The following MYT1L variants were observed in gnomAD, a reference collection of about 807,000 sequenced individuals.
MYT1L encodes myelin transcription factor 1 like, also known as myelin transcription factor 1-like protein.
A neutral mutation model predicts 126.7 loss-of-function variants in MYT1L; 12 were observed. The observed-to-expected ratio is 0.09, with a 90% confidence interval of 0.06 to 0.15. The LOEUF (loss-of-function observed/expected upper bound fraction) is 0.15. Among genes scored for constraint, MYT1L ranks in the 10% least tolerant of loss-of-function variants. MYT1L has a pLI of 1.00. For synonymous variants in MYT1L, 541 were observed against 604.2 expected (o/e 0.90, Z 1.53); for missense variants, 979 against 1,585.2 (o/e 0.62, Z 6.49).
chr2:1,962,776 T>C (rs540159994), intron 8 of MYT1L, among the ~76,000 whole-genome samples: 5 of 152,342 alleles, frequency 3.3e-5, no homozygotes, highest in African/African-American at 9.6e-5. Context: ...AACCACCTGC[T>C]TTGCTCAGCC....
chr2:2,156,967 C>T (rs917185519), intron 3 of MYT1L, among the ~76,000 whole-genome samples: 8 of 152,130 alleles, frequency 5.3e-5, no homozygotes, highest in Non-Finnish European at 8.8e-5. Flanking sequence ...TGTTTCCATC[C>T]GTTTGGGGGA....
chr2:2,236,817 T>TTCTTC (rs1559421627), intron 2 of MYT1L, among the ~76,000 whole-genome samples: 1 of 32,252 alleles, frequency 3.1e-5, no homozygotes, highest in African/African-American at 2.4e-4. Flanking sequence ...TCTTCTTCTT[T>TTCTTC]TTTTTTTTTT....
intron 19 of MYT1L, among the ~76,000 whole-genome samples, chr2:1,844,598 G>A (rs1387564554): frequency 4.6e-5 from 7 of 152,168 alleles, no homozygotes; most frequent in Non-Finnish European, 8.8e-5. Flanking sequence ...GACCTGGCCC[G>A]AGTGTCTGTG....
At chr2:2,296,105 C>T (rs762281960) in intron 1 of MYT1L, among the ~76,000 whole-genome samples, 2 of 152,132 alleles carry the variant, frequency 1.3e-5, no homozygotes. Context: ...TTCTATTTTT[C>T]AAGGAGGTGC....
chr2:1,911,938 G>A, intron 12 of MYT1L, 82 bp downstream of exon 12: 1 of 1,098,372 alleles, frequency 9.1e-7, no homozygotes, highest in Non-Finnish European at 1.3e-6. Context: ...ACCATATGGA[G>A]CGTGGTAGGC....
Position 2,063,876 on chromosome 2 carries a change from C to T in MYT1L, c.-303-9753G>A, listed in dbSNP as rs191827534. Among the ~76,000 whole-genome samples the T allele has an allele frequency of 8.2e-4, 125 of 152,128 alleles. 1 individual carries two copies. The highest frequency in any genetic ancestry group is 2.6e-4 in the Admixed American group (4 of 15,274). ...AACAAAACAAACAACATAAAAACCA[C>T]GTTTCCTTGATAATTCCTAACATAT... On this transcript the variant is annotated intron_variant, in intron 3 of 24. Transcript: ENST00000647738.
At chr2:1,974,567 AG>A (rs1422958992) in intron 8 of MYT1L, 2 of 152,132 alleles carry the variant, frequency 1.3e-5, no homozygotes, top group Non-Finnish European at 2.9e-5. Flanking sequence ...TTAGCTTCCT[AG>A]GAGGTCTGGC....
intron 4 of MYT1L, among the ~76,000 whole-genome samples, chr2:2,023,529 G>A (rs1259973000): frequency 6.6e-6 from 1 of 152,192 alleles, no homozygotes; most frequent in East Asian, 1.9e-4. Flanking sequence ...TCCAGTGGGT[G>A]TGGACGGGAA....
chr2:2,249,900 T>C (rs1305599502), intron 2 of MYT1L, among the ~76,000 whole-genome samples: 2 of 151,942 alleles, frequency 1.3e-5, no homozygotes, highest in Non-Finnish European at 2.9e-5. Flanking sequence ...CATACAAATA[T>C]CAAACAGGCA....
intron 8 of MYT1L, among the ~76,000 whole-genome samples, chr2:1,961,230 G>A (rs765154070): frequency 2.0e-5 from 3 of 152,172 alleles, no homozygotes; most frequent in Non-Finnish European, 4.4e-5. Flanking sequence ...CGCAGGTGAC[G>A]GTTACACTAA....
chr2:2,135,896 AACGTTCT>A (rs921367087), intron 3 of MYT1L, among the ~76,000 whole-genome samples: 5 of 152,164 alleles, frequency 3.3e-5, no homozygotes, highest in East Asian at 3.9e-4. Context: ...CTCTTAAGAA[AACGTTCT>A]ACTATAAAGA....
chr2:2,077,970 A>G (rs949403150), intron 3 of MYT1L, among the ~76,000 whole-genome samples: 46 of 152,232 alleles, frequency 3.0e-4, no homozygotes, highest in Non-Finnish European at 5.4e-4. Context: ...ACAGCGGCAG[A>G]AATCAATAAT....
chr2:1,915,749 A>G (rs1354300985), intron 11 of MYT1L, among the ~76,000 whole-genome samples: 2 of 152,196 alleles, frequency 1.3e-5, no homozygotes, highest in Non-Finnish European at 2.9e-5. Flanking sequence ...TTTACATCTT[A>G]GCCCGGAGCT....
At chr2:2,219,401 C>T (rs1401966022) in intron 2 of MYT1L, among the ~76,000 whole-genome samples, 7 of 152,078 alleles carry the variant, frequency 4.6e-5, no homozygotes, top group Non-Finnish European at 1.0e-4. Flanking sequence ...ACTTTCCTCC[C>T]CATCTAATTA....
At chr2:2,209,386 C>A (rs1466000875) in intron 2 of MYT1L, among the ~76,000 whole-genome samples, 1 of 152,150 alleles carries the variant, frequency 6.6e-6, no homozygotes, top group African/African-American at 2.4e-5. Context: ...TCCAACTCCC[C>A]TACCCCCTGC....
At chr2:1,833,172 C>T (rs1329986404) in intron 21 of MYT1L, among the ~76,000 whole-genome samples, 1 of 152,190 alleles carries the variant, frequency 6.6e-6, no homozygotes, top group African/African-American at 2.4e-5. Flanking sequence ...CAGTGTGTGC[C>T]AGTGGCATTG....
chr2:2,171,491 ATG>A (rs1211974654), intron 3 of MYT1L, among the ~76,000 whole-genome samples: 4 of 152,238 alleles, frequency 2.6e-5, no homozygotes, highest in Admixed American at 6.5e-5. Flanking sequence ...CTAAAATTCA[ATG>A]AGATGAGATA....
intron 14 of MYT1L, among the ~76,000 whole-genome samples, chr2:1,896,695 G>A (rs543302927): frequency 6.6e-6 from 1 of 152,276 alleles, no homozygotes; most frequent in African/African-American, 2.4e-5. Context: ...ACTAGAGAGG[G>A]GAGTGGGTTG....
chr2:2,261,744 T>C, intron 2 of MYT1L, among the ~76,000 whole-genome samples: 1 of 152,238 alleles, frequency 6.6e-6, no homozygotes, highest in Middle Eastern at 3.2e-3. Flanking sequence ...AGTGGCCTAA[T>C]GATGATGTGC....
Sources: gnomAD v4.1 joint callset for allele counts (sites outside exome capture counted in the v4.1 genomes callset) on GRCh38, gnomAD v4.1.1 for gene constraint, MANE v1.5 for transcripts, NCBI Gene and HGNC (gene_info 2026-07-23, HGNC 2026-07-21) for gene names.